The following CNNM2 variants were observed in gnomAD, a reference collection of about 807,000 sequenced individuals.
The protein encoded by CNNM2 is metal transporter CNNM2.
Under a neutral mutation model 66.9 loss-of-function variants are expected in CNNM2, and 12 were observed. That is an observed-to-expected ratio of 0.18 (90% CI 0.11 to 0.29). The LOEUF (loss-of-function observed/expected upper bound fraction) is 0.29. CNNM2 is among the 10% of genes least tolerant of loss of function. CNNM2 has a pLI of 1.00. For synonymous variants in CNNM2, 557 were observed against 501.8 expected, an observed-to-expected ratio of 1.11 and a Z score of -1.47; for missense variants, 705 against 1,167.7, an observed-to-expected ratio of 0.60 and a Z score of 5.77.
At chr10:103,065,611 A>G (rs1042047248) in intron 4 of CNNM2, among the ~76,000 whole-genome samples, 1 of 152,226 alleles carries the variant, frequency 6.6e-6, no homozygotes, top group Non-Finnish European at 1.5e-5. Context: ...AAGGCCCTGT[A>G]ACTTGTACAA....
At chr10:102,987,352 G>A (rs981200912) in intron 1 of CNNM2, among the ~76,000 whole-genome samples, 1 of 151,892 alleles carries the variant, frequency 6.6e-6, no homozygotes, top group Non-Finnish European at 1.5e-5. Flanking sequence ...ACGGAGTCTC[G>A]CTCTGTCACC....
At chr10:102,933,586 T>A (rs1846132403) in intron 1 of CNNM2, among the ~76,000 whole-genome samples, 1 of 152,210 alleles carries the variant, frequency 6.6e-6, no homozygotes, top group South Asian at 2.1e-4. Flanking sequence ...TTTAATTTGC[T>A]TGTAGTGGAT....
At chr10:103,026,609 A>C (rs1432997339) in intron 1 of CNNM2, among the ~76,000 whole-genome samples, 1 of 151,024 alleles carries the variant, frequency 6.6e-6, no homozygotes, top group African/African-American at 2.4e-5. Context: ...TTCAAAAAAA[A>C]AAAAAAAAAA....
At chr10:102,938,593 C>A (rs1301608440) in intron 1 of CNNM2, among the ~76,000 whole-genome samples, 1 of 133,124 alleles carries the variant, frequency 7.5e-6, no homozygotes, top group Non-Finnish European at 1.5e-5. Context: ...GCACTCCTGC[C>A]TGGGTGACAG....
At chr10:103,033,116 CAA>C (rs528890140) in intron 1 of CNNM2, among the ~76,000 whole-genome samples, 9 of 89,028 alleles carry the variant, frequency 1.0e-4, no homozygotes, top group Admixed American at 3.5e-4. Flanking sequence ...AGACCCTGTC[CAA>C]AAAAAAAAAA....
At chr10:103,047,369 G>A (rs965700601) in intron 1 of CNNM2, among the ~76,000 whole-genome samples, 17 of 152,270 alleles carry the variant, frequency 1.1e-4, no homozygotes, top group Admixed American at 6.5e-4. Flanking sequence ...AGCAAAGACC[G>A]AAAAACTGTC....
intron 1 of CNNM2, among the ~76,000 whole-genome samples, chr10:103,047,396 T>G (rs931336826): frequency 6.6e-6 from 1 of 152,160 alleles, no homozygotes; most frequent in Non-Finnish European, 1.5e-5. Context: ...CAGAGGAGAC[T>G]AAAGAGACAT....
chr10:103,003,563 C>T (rs967028700), intron 1 of CNNM2, among the ~76,000 whole-genome samples: 1 of 152,056 alleles, frequency 6.6e-6, no homozygotes, highest in African/African-American at 2.4e-5. Flanking sequence ...TTGGCTCATG[C>T]CTGTAATCCT....
intron 1 of CNNM2, among the ~76,000 whole-genome samples, chr10:102,951,242 G>C (rs1183813949): frequency 2.0e-5 from 3 of 151,966 alleles, no homozygotes; most frequent in African/African-American, 7.3e-5. Context: ...TGTCACCCAG[G>C]CTGGAGTGTA....
intron 1 of CNNM2, among the ~76,000 whole-genome samples, chr10:102,955,917 G>A (rs1372650348): frequency 6.6e-6 from 1 of 152,206 alleles, no homozygotes; most frequent in Non-Finnish European, 1.5e-5. Context: ...AGCACTTTGG[G>A]AGGCTGGGGC....
intron 1 of CNNM2, among the ~76,000 whole-genome samples, chr10:103,008,797 A>AAAC (rs1287583635): frequency 1.3e-5 from 2 of 151,410 alleles, no homozygotes; most frequent in African/African-American, 4.9e-5. Flanking sequence ...AAAAAAAAAA[A>AAAC]ACCCAAATGC....
At chr10:102,990,083 T>A (rs2063872165) in intron 1 of CNNM2, among the ~76,000 whole-genome samples, 1 of 151,976 alleles carries the variant, frequency 6.6e-6, no homozygotes, top group African/African-American at 2.4e-5. Context: ...TAGCTGGGAT[T>A]ATAGGCATGT....
At chr10:103,042,155 C>G (rs973906169) in intron 1 of CNNM2, among the ~76,000 whole-genome samples, 3 of 152,206 alleles carry the variant, frequency 2.0e-5, no homozygotes, top group African/African-American at 7.2e-5. Context: ...GCAAGTCAGC[C>G]TGACTCTCTC....
At chr10:102,999,824 A>T (rs1159584867) in intron 1 of CNNM2, among the ~76,000 whole-genome samples, 1 of 152,226 alleles carries the variant, frequency 6.6e-6, no homozygotes, top group African/African-American at 2.4e-5. Flanking sequence ...GCAAATTAAA[A>T]CTTTAATAAG....
intron 1 of CNNM2, among the ~76,000 whole-genome samples, chr10:102,948,528 G>A (rs1475372998): frequency 6.6e-6 from 1 of 152,082 alleles, no homozygotes; most frequent in East Asian, 1.9e-4. Flanking sequence ...AGGTTGGGTG[G>A]TACAAGATGC....
chr10:102,918,625 C>G lies in CNNM2; in HGVS notation c.145C>G (p.Leu49Val). Residue 49 changes from leucine to valine, a missense_variant, in exon 1 of 8, where the codon CTG becomes GTG. Coordinates refer to ENST00000369878, the MANE Select transcript of CNNM2 (RefSeq NM_017649.5). This position sits in a 1 kb window ranked among gnomAD's most constrained non-coding sequence, Gnocchi z 4.1. ...GILQAAAGRL[L>V]PLLLLSCCCG... ...CCTGCAGGCGGCTGCGGGGCGGCTG[C>G]TGCCGCTGCTCCTGCTGAGCTGCTG... 6.5e-7 allele frequency: 1 copy of G among 1,543,726 alleles called. No individual in the cohort carries two copies. The highest frequency in any genetic ancestry group is 1.2e-5 in the South Asian group (1 of 83,562).
chr10:102,956,506 A>C (rs1257338620), intron 1 of CNNM2, among the ~76,000 whole-genome samples: 1 of 152,182 alleles, frequency 6.6e-6, no homozygotes, highest in Non-Finnish European at 1.5e-5. Flanking sequence ...TGCTACTATA[A>C]AGACACGTGC....
At chr10:102,977,789 CT>C (rs1204518133) in intron 1 of CNNM2, among the ~76,000 whole-genome samples, 1 of 151,810 alleles carries the variant, frequency 6.6e-6, no homozygotes, top group Non-Finnish European at 1.5e-5. Context: ...ACTCTGTCTA[CT>C]TTTTTTTGTT....
At chr10:102,964,032 A>G (rs754727136) in intron 1 of CNNM2, among the ~76,000 whole-genome samples, 6 of 152,226 alleles carry the variant, frequency 3.9e-5, no homozygotes, top group Non-Finnish European at 7.3e-5. Flanking sequence ...TTAAGAGGCA[A>G]ATGTTTGTAT....
Sources: gnomAD v4.1 joint callset for allele counts (sites outside exome capture counted in the v4.1 genomes callset) on GRCh38, gnomAD v4.1.1 for gene constraint, Gnocchi (gnomAD v3.1) non-coding constraint, MANE v1.5 for transcripts, NCBI Gene and HGNC (gene_info 2026-07-23, HGNC 2026-07-21) for gene names.